PLXNB3: variants seen among roughly 807,000 people sequenced by gnomAD.
The protein encoded by PLXNB3 is plexin B3.
PLXNB3 carries 80 observed loss-of-function variants against 125.7 expected under a neutral mutation model. The ratio of observed to expected loss-of-function variants is 0.64; its 90% CI spans 0.53 to 0.77. The LOEUF (loss-of-function observed/expected upper bound fraction) is 0.77. Among genes scored for constraint, PLXNB3 ranks in the 30% least tolerant of loss-of-function variants. The probability of loss-of-function intolerance (pLI) is 0.00; values close to 1 mark genes in which losing one functional copy is unlikely to be tolerated. For synonymous variants in PLXNB3, 954 were observed against 783.3 expected (o/e 1.22, Z -3.64); for missense variants, 1,836 against 1,729.3 (o/e 1.06, Z -1.09).
At chrX:153,777,430 C>G in intron 30 of PLXNB3, 50 bp downstream of exon 30, 1 of 1,177,485 alleles carries the variant, frequency 8.5e-7, no homozygotes, top group East Asian at 3.0e-5. Context: ...AGCCAGGGAC[C>G]CCGACCGAGC....
Position 153,767,798 on chromosome X carries a change from C to T in PLXNB3, c.971C>T (p.Ala324Val). 4 of 1,167,393 alleles carry T rather than the reference C, an allele frequency of 3.4e-6. No individual in the cohort carries two copies. The highest frequency in any genetic ancestry group is 3.4e-6 in the Non-Finnish European group (3 of 873,536). Residue 324 changes from alanine (A) to valine (V), a missense_variant, in exon 3 of 36, where the codon GCC (alanine) becomes GTC (valine). Physicochemically the swap from Ala to Val is moderately conservative, Grantham distance 64. Coordinates refer to ENST00000361971, the MANE Select transcript of PLXNB3 (RefSeq NM_005393.3). The part of the protein sequence containing the change: ...LCAFPMVELG[A>V]SMEQARRLCY... ...GCCTTCCCCATGGTGGAGCTGGGTG[C>T]CAGCATGGAGCAGGCCCGGAGACTC... is the stretch of plus-strand genomic sequence containing the variant.
In PLXNB3 at chrX:153,771,597, G is replaced by A. The variant is rs1557061906; in HGVS notation, c.2459G>A (p.Gly820Glu). ...GACGGCCAGCCTGCCTGTCGCTATG[G>A]GCCCTTGTGCCCGCCGGGGGCTGTG... is the stretch of plus-strand genomic sequence containing the variant. Reference protein sequence around the residue: ...CADGQPACRYGPLCPPGAVEL... With the variant: ...CADGQPACRYEPLCPPGAVEL... Residue 820 changes from glycine (G) to glutamate (E), a missense_variant, in exon 14 of 36, where the codon GGG becomes GAG. Coordinates refer to ENST00000361971, the MANE Select transcript of PLXNB3 (RefSeq NM_005393.3). 8 of 1,206,339 alleles carry A rather than the reference G, an allele frequency of 6.6e-6. No individual in the cohort carries two copies. In the South Asian group the frequency reaches 1.2e-4, roughly 19 times the overall value.
chrX:153,770,776 G>C lies in PLXNB3; in HGVS notation c.2029G>C (p.Gly677Arg). 2 of 1,205,271 alleles carry C rather than the reference G, an allele frequency of 1.7e-6. No homozygotes were observed. The highest frequency in any genetic ancestry group is 2.2e-6 in the Non-Finnish European group (2 of 890,826). ...TTCCCAGGTGGACATCCAGGTGCGT[G>C]GCCCAGGGGCTTGCCCACAGGTCGA... The part of the protein sequence containing the change: ...SAQEVDIQVR[G>R]PGACPQVEGL... The change falls in exon 11 of 36, where the codon GGC (glycine) becomes CGC (arginine). Residue 677 changes from glycine to arginine, a missense_variant. Gly to Arg is a moderately radical substitution (Grantham distance 125). Transcript: ENST00000361971.
At position 153,767,034 on chromosome X, in the gene PLXNB3, C is replaced by T. The variant is rs782745854; in HGVS notation, c.207C>T (p.Gly69=). The T allele has an allele frequency of 8.3e-6, 10 of 1,209,477 alleles. No homozygotes were observed. In the East Asian group the frequency reaches 1.2e-4, roughly 14 times the overall value. ...LAPGRGTLYV[G]AVNRLFQLSP... The stretch of plus-strand genomic sequence containing the variant: ...CTGGCCGAGGCACACTCTATGTCGG[C>T]GCAGTGAACCGCCTCTTCCAGCTCA... The change falls in exon 3 of 36, where the codon GGC becomes GGT. Residue 69 remains glycine, a synonymous_variant. Transcript: ENST00000361971.
In PLXNB3 at chrX:153,775,429, C is replaced by T. The variant is rs199883006; in HGVS notation, c.4334+26C>T. ...GTTGGCCTTGACCTGGACCCGGTGGCGGGGGTGAGGGCTTGCCACAGACCT... is the reference window on the plus strand; with the variant it reads ...GTTGGCCTTGACCTGGACCCGGTGGTGGGGGTGAGGGCTTGCCACAGACCT... On this transcript the variant is annotated intron_variant, in intron 25 of 35. Coordinates refer to ENST00000361971, the MANE Select transcript of PLXNB3 (RefSeq NM_005393.3). 8.2e-5 allele frequency: 98 copies of T among 1,193,898 alleles called. No homozygotes were observed. In the African/African-American group the frequency reaches 8.9e-4, roughly 11 times the overall value.
At chrX:153,777,009 A>G (rs1557064634) in intron 29 of PLXNB3, 29 bp downstream of exon 29, 1 of 1,064,623 alleles carries the variant, frequency 9.4e-7, no homozygotes, top group South Asian at 2.0e-5. Context: ...ACCTGGGGCC[A>G]CTGGAGTCCA....
rs1557063102 is a variant in PLXNB3, at chrX:153,774,214, A to G, written c.3548A>G (p.Lys1183Arg). The change falls in exon 21 of 36, where the codon AAG becomes AGG. Residue 1183 changes from lysine (K) to arginine (R), a missense_variant. By Grantham distance (26) the Lys-to-Arg change is conservative. Coordinates refer to ENST00000361971, the MANE Select transcript of PLXNB3 (RefSeq NM_005393.3). ...EGEGLNLGISKEEVRVHIGRG... is the reference protein window; with the variant it reads ...EGEGLNLGISREEVRVHIGRG... ...GAGGGCCTCAACCTGGGCATCAGCA[A>G]GGAGGAGGTGCGCGTGCACATCGGC... 2 of 1,203,303 alleles carry G rather than the reference A, an allele frequency of 1.7e-6. No homozygotes were observed. Among genetic ancestry groups the G allele is most frequent in the East Asian group, 5.9e-5 (2 of 33,763 alleles).
In PLXNB3 at chrX:153,770,627, C is replaced by T. The variant is rs782681361; in HGVS notation, c.1995C>T (p.Ile665=). 2 of 1,209,730 alleles carry T rather than the reference C, an allele frequency of 1.7e-6. No individual in the cohort carries two copies. Among genetic ancestry groups the T allele is most frequent in the East Asian group, 5.9e-5 (2 of 33,787 alleles). Residue 665 remains isoleucine (I), a synonymous_variant, in exon 10 of 36, where the codon ATC becomes ATT. Coordinates refer to ENST00000361971, the MANE Select transcript of PLXNB3 (RefSeq NM_005393.3). ...GEHCPEGERT[I]YSAQEVDIQV... The stretch of plus-strand genomic sequence containing the variant: ...ACTGCCCAGAGGGCGAGAGGACCAT[C>T]TACAGCGCCCAGGAGGTGGGTGGGC...
Position 153,771,658 on chromosome X carries a change from G to A in PLXNB3, c.2517+3G>A. 1 of 1,178,642 alleles carries A rather than the reference G, an allele frequency of 8.5e-7. No individual in the cohort carries two copies. Among genetic ancestry groups the A allele is most frequent in the Non-Finnish European group, 1.1e-6 (1 of 879,944 alleles). ...GTCCTGCGCCCAGCATTGATGCAGT[G>A]AGTCTCCTGCCGGGCCCCCACAGCC... On this transcript the variant is annotated splice_donor_region_variant and intron_variant, in intron 14 of 35. Transcript: ENST00000361971.
Position 153,772,303 on chromosome X carries a change from G to C in PLXNB3, c.2775+16G>C. ...CACCTACCAGGTCAGTGGCCTCCCA[G>C]GTGTGCCCTACGCAGGGGAGGGTAG... On this transcript the variant is annotated intron_variant, in intron 16 of 35. Transcript: ENST00000361971. The C allele has an allele frequency of 2.6e-6, 3 of 1,133,224 alleles. No homozygotes were observed. Among genetic ancestry groups the C allele is most frequent in the African/African-American group, 3.5e-5 (2 of 56,451 alleles). The allele number at this position is 1,133,224 out of a possible 1,213,427, so 93.4% of individuals were successfully genotyped here. A position where few individuals can be genotyped will look rare whatever the true frequency, so the allele number is the denominator to read the frequency against.
chrX:153,771,612 CG>C lies in PLXNB3; in HGVS notation c.2479del (p.Ala827LeufsTer17). 8.3e-7 allele frequency: 1 copy of C among 1,203,950 alleles called. No homozygotes were observed. On this transcript the variant is annotated frameshift_variant, in exon 14 of 36. Transcript: ENST00000361971. LOFTEE classifies it high-confidence loss of function. ...TGTCGCTATGGGCCCTTGTGCCCGC[CG>C]GGGGCTGTGGAGCTGCTGTGTCCTG... is the stretch of plus-strand genomic sequence containing the variant. The part of the protein sequence containing the change: ...PACRYGPLCP[P>X]GAVELLCPAP...
At chrX:153,766,329 G>C (rs1351186311) in intron 2 of PLXNB3, 1 of 1,153,136 alleles carries the variant, frequency 8.7e-7, no homozygotes. Context: ...CCCAAGGCAG[G>C]TTTTCTCTCC....
chrX:153,772,834 T>C lies in PLXNB3; in HGVS notation c.2776-52T>C, dbSNP rs908059873. ...GGGCCTTGGGCATGGCCCAGGGGGGTGAAAGGGCCAGGCTGGGCTGCCGTG... is the reference window on the plus strand; with the variant it reads ...GGGCCTTGGGCATGGCCCAGGGGGGCGAAAGGGCCAGGCTGGGCTGCCGTG... On this transcript the variant is annotated intron_variant, in intron 16 of 35. Coordinates refer to ENST00000361971, the MANE Select transcript of PLXNB3 (RefSeq NM_005393.3). 3.8e-6 allele frequency: 4 copies of C among 1,058,340 alleles called. No individual in the cohort carries two copies. The African/African-American group carries it at 7.8e-5, about 21-fold the overall frequency. The allele number at this position is 1,058,340 out of a possible 1,213,427, so 87.2% of individuals were successfully genotyped here. A position where few individuals can be genotyped will look rare whatever the true frequency, so the allele number is the denominator to read the frequency against.
chrX:153,774,634 C>T lies in PLXNB3; in HGVS notation c.3830+63C>T, dbSNP rs1024004915. On this transcript the variant is annotated intron_variant, in intron 22 of 35. Transcript: ENST00000361971. ...CCATTGGCAAGGGCGCCCTGGCAGG[C>T]GGCTGGCCTGGCCCCGGCCCTGGCT... 4.9e-5 allele frequency: 57 copies of T among 1,154,208 alleles called. No individual in the cohort carries two copies. In the East Asian group the frequency reaches 1.6e-3, roughly 33 times the overall value.
Position 153,771,298 on chromosome X carries a change from C to G in PLXNB3, c.2254-12C>G. On this transcript the variant is annotated splice_polypyrimidine_tract_variant and intron_variant, in intron 12 of 35. Coordinates refer to ENST00000361971, the MANE Select transcript of PLXNB3 (RefSeq NM_005393.3). ...AGTGGGCACCCAGCCTGACCCCACA[C>G]TCTGCCCACAGTTTTATCCCTCCAT... is the stretch of plus-strand genomic sequence containing the variant. 2 of 1,196,430 alleles carry G rather than the reference C, an allele frequency of 1.7e-6. No individual in the cohort carries two copies. The highest frequency in any genetic ancestry group is 1.8e-5 in the South Asian group (1 of 56,715).
chrX:153,777,893 G>A lies in PLXNB3; in HGVS notation c.5262-55G>A, dbSNP rs182854515. 79 of 1,163,188 alleles carry A rather than the reference G, an allele frequency of 6.8e-5. No homozygotes were observed. The African/African-American group carries it at 9.4e-4, about 14-fold the overall frequency. On this transcript the variant is annotated intron_variant, in intron 31 of 35. Transcript: ENST00000361971. ...GCCAGTAGGCTGGAGTACATGGGGC[G>A]GAGATCACGATGGCAGGCCAGGGCC...
intron 2 of PLXNB3, chrX:153,765,905 C>T: frequency 1.3e-6 from 1 of 754,333 alleles, no homozygotes; most frequent in East Asian, 1.5e-4. Context: ...CACCTCTCAC[C>T]CTCGGGGGCT....
Position 153,779,145 on chromosome X carries a change from G to C in PLXNB3, c.*106G>C. 1.7e-6 allele frequency: 1 copy of C among 581,571 alleles called. No individual in the cohort carries two copies. Among genetic ancestry groups the C allele is most frequent in the Non-Finnish European group, 2.6e-6 (1 of 382,109 alleles). 47.9% of individuals were successfully genotyped at this position (581,571 alleles called of 1,213,427 possible). A position where few individuals can be genotyped will look rare whatever the true frequency, so the allele number is the denominator to read the frequency against. On this transcript the variant is annotated 3_prime_UTR_variant, in exon 36 of 36. Coordinates refer to ENST00000361971, the MANE Select transcript of PLXNB3 (RefSeq NM_005393.3). ...GGAGCTGGCAGAGCCTGGGGGCACA[G>C]GGTGCAAAGCCAGGCACTGTGCCCA...
chrX:153,773,656 TG>T lies in PLXNB3; in HGVS notation c.3224del (p.Gly1075GlufsTer52). 8.4e-7 allele frequency: 1 copy of T among 1,184,606 alleles called. No individual in the cohort carries two copies. On this transcript the variant is annotated frameshift_variant, in exon 19 of 36. Transcript: ENST00000361971. LOFTEE classifies it high-confidence loss of function. Reference sequence around the variant, plus strand: ...AGGACCCACAGCCAAGGAGGAGCTGTGGAGCCCCTGCTGCGGACCCCCAGGC... The same window carrying T: ...AGGACCCACAGCCAAGGAGGAGCTGTGAGCCCCTGCTGCGGACCCCCAGGC... ...PQDPQPRRSC[G>X]APAADPQACI... is the part of the protein sequence containing the mutation.
Sources: allele counts gnomAD v4.1 joint callset, GRCh38; gene constraint gnomAD v4.1.1; transcripts MANE v1.5; gene names NCBI Gene and HGNC (gene_info 2026-07-23, HGNC 2026-07-21).